Variants in SLC24A2 observed in about 807,000 individuals in gnomAD.
The protein encoded by SLC24A2 is solute carrier family 24 member 2, also known as sodium/potassium/calcium exchanger 2.
In SLC24A2, 36 loss-of-function variants were observed where a neutral mutation model predicts 62.0. The ratio of observed to expected loss-of-function variants is 0.58; its 90% CI spans 0.44 to 0.77. The LOEUF (loss-of-function observed/expected upper bound fraction) is 0.77, where lower values mean the gene tolerates loss of function less well. SLC24A2 is among the 30% of genes least tolerant of loss of function. The probability of loss-of-function intolerance (pLI) is 0.00; values close to 1 mark genes in which losing one functional copy is unlikely to be tolerated. For synonymous variants in SLC24A2, 358 were observed against 294.0 expected (o/e 1.22, Z -2.23); for missense variants, 846 against 817.9 (o/e 1.03, Z -0.42).
At chr9:19,719,806 C>G (rs1383112448) in intron 2 of SLC24A2, among the ~76,000 whole-genome samples, 1 of 152,124 alleles carries the variant, frequency 6.6e-6, no homozygotes, top group East Asian at 1.9e-4. Context: ...TTGAATCATG[C>G]TCTCTTTGGG....
At chr9:19,675,402 C>T (rs919496455) in intron 2 of SLC24A2, among the ~76,000 whole-genome samples, 3 of 152,110 alleles carry the variant, frequency 2.0e-5, no homozygotes, top group Non-Finnish European at 2.9e-5. Context: ...AGGTGGTGGG[C>T]AGGGCCCTAG....
intron 4 of SLC24A2, among the ~76,000 whole-genome samples, chr9:19,617,255 C>T (rs756674550): frequency 2.0e-5 from 3 of 152,118 alleles, no homozygotes; most frequent in Non-Finnish European, 4.4e-5. Context: ...AATGCAAATG[C>T]TGATTTGAGA....
intron 8 of SLC24A2, among the ~76,000 whole-genome samples, chr9:19,544,255 C>CTTTTTTTTTTTT (rs375479154): frequency 9.2e-4 from 114 of 123,932 alleles, no homozygotes; most frequent in East Asian, 1.4e-3. Context: ...GCAACCCCTG[C>CTTTTTTTTTTTT]TTTTTTTTTT....
At chr9:19,757,806 T>C (rs1822191338) in intron 2 of SLC24A2, among the ~76,000 whole-genome samples, 1 of 152,140 alleles carries the variant, frequency 6.6e-6, no homozygotes, top group Non-Finnish European at 1.5e-5. Context: ...GGATCCCTTA[T>C]GAATGGCTTA....
At chr9:20,048,964 G>A in the SLC24A2 span, among the ~76,000 whole-genome samples, 1 of 150,906 alleles carries the variant, frequency 6.6e-6, no homozygotes, top group Non-Finnish European at 1.5e-5. Flanking sequence ...TAAGTTTTAG[G>A]ATACATGTGC....
chr9:19,769,845 G>C (rs1822631754), intron 2 of SLC24A2, among the ~76,000 whole-genome samples: 1 of 151,908 alleles, frequency 6.6e-6, no homozygotes, highest in Admixed American at 6.6e-5. Context: ...TACACCTACA[G>C]GTCTGTCTAC....
the SLC24A2 span, among the ~76,000 whole-genome samples, chr9:20,021,038 T>C: frequency 6.6e-6 from 1 of 152,146 alleles, no homozygotes; most frequent in East Asian, 1.9e-4. Context: ...ACTGTATACA[T>C]AGACATAATA....
the SLC24A2 span, among the ~76,000 whole-genome samples, chr9:20,224,176 T>C: frequency 2.6e-4 from 39 of 152,112 alleles, no homozygotes; most frequent in Middle Eastern, 6.8e-3. Context: ...AACAATACCT[T>C]TTCTATACCA....
the SLC24A2 span, among the ~76,000 whole-genome samples, chr9:19,873,376 CTT>C: frequency 7.1e-6 from 1 of 141,024 alleles, no homozygotes; most frequent in African/African-American, 2.6e-5. Context: ...TTCTTTCTTT[CTT>C]TCTCTTTCTC....
chr9:20,084,689 T>A, the SLC24A2 span, among the ~76,000 whole-genome samples: 1 of 152,110 alleles, frequency 6.6e-6, no homozygotes, highest in African/African-American at 2.4e-5. Context: ...TAGCACCAAC[T>A]CTGACCCCAG....
At chr9:19,872,990 T>C in the SLC24A2 span, among the ~76,000 whole-genome samples, 1 of 152,146 alleles carries the variant, frequency 6.6e-6, no homozygotes, top group Non-Finnish European at 1.5e-5. Flanking sequence ...TGTTGGTTAA[T>C]GGTTAGGTAA....
chr9:20,288,804 G>A, the SLC24A2 span, among the ~76,000 whole-genome samples: 7 of 150,958 alleles, frequency 4.6e-5, no homozygotes, highest in Admixed American at 2.6e-4. Flanking sequence ...CCCAGGCTAC[G>A]TTACCTCTCT....
chr9:19,621,724 C>T (rs574928158), intron 3 of SLC24A2, among the ~76,000 whole-genome samples: 3 of 152,008 alleles, frequency 2.0e-5, no homozygotes, highest in Non-Finnish European at 4.4e-5. Flanking sequence ...CCTTATTCTG[C>T]GAAACTGGAA....
chr9:19,906,553 A>T, the SLC24A2 span, among the ~76,000 whole-genome samples: 3 of 152,146 alleles, frequency 2.0e-5, no homozygotes, highest in South Asian at 2.1e-4. Flanking sequence ...GTTTTTTGAA[A>T]AGATCAACAA....
chr9:19,865,848 G>A, the SLC24A2 span, among the ~76,000 whole-genome samples: 9 of 152,078 alleles, frequency 5.9e-5, no homozygotes, highest in South Asian at 1.9e-3. Context: ...ATGAACTTAT[G>A]GGATCACAGC....
intron 8 of SLC24A2, among the ~76,000 whole-genome samples, chr9:19,538,598 T>C (rs201528977): frequency 0.44 from 10,059 of 22,816 alleles, 1,817 homozygotes; most frequent in East Asian, 0.9. Context: ...CTGCTGGATT[T>C]GGTTTGCCAG....
chr9:20,196,396 A>G, the SLC24A2 span, among the ~76,000 whole-genome samples: 1 of 152,240 alleles, frequency 6.6e-6, no homozygotes, highest in South Asian at 2.1e-4. Flanking sequence ...GTGAGTTTCA[A>G]AATAATGCCA....
chr9:19,652,844 C>T (rs777862776), intron 2 of SLC24A2, among the ~76,000 whole-genome samples: 2 of 152,146 alleles, frequency 1.3e-5, no homozygotes, highest in Non-Finnish European at 2.9e-5. Context: ...TTCATCCATT[C>T]AGTTCATTTA....
chr9:20,153,186 G>T, the SLC24A2 span, among the ~76,000 whole-genome samples: 3 of 151,754 alleles, frequency 2.0e-5, no homozygotes, highest in Non-Finnish European at 2.9e-5. Flanking sequence ...CTCTGCAAAG[G>T]GTTCAGAAGG....
Sources: gnomAD v4.1 joint callset for allele counts (sites outside exome capture counted in the v4.1 genomes callset) on GRCh38, gnomAD v4.1.1 for gene constraint, MANE v1.5 for transcripts, NCBI Gene and HGNC (gene_info 2026-07-23, HGNC 2026-07-21) for gene names.